The following DPP6 variants were observed in gnomAD, a reference collection of about 807,000 sequenced individuals.
The protein encoded by DPP6 is dipeptidyl peptidase like 6.
DPP6 carries 69 observed loss-of-function variants against 122.6 expected under a neutral mutation model. The observed-to-expected ratio is 0.56, with a 90% CI of 0.46 to 0.69. DPP6 has a LOEUF of 0.69. DPP6 is among the 30% of genes least tolerant of loss of function. DPP6 has a pLI of 0.00. For synonymous variants in DPP6, 418 were observed against 433.1 expected (o/e 0.97, Z 0.43); for missense variants, 928 against 1,116.9 (o/e 0.83, Z 2.41).
At chr7:154,873,833 AACAC>A (rs59408656) in intron 19 of DPP6, among the ~76,000 whole-genome samples, 8 of 129,664 alleles carry the variant, frequency 6.2e-5, no homozygotes, top group South Asian at 2.5e-4. Context: ...CGCATACATA[AACAC>A]ACACATATGC....
At chr7:154,831,434 A>G (rs1460176378) in intron 16 of DPP6, among the ~76,000 whole-genome samples, 1 of 152,232 alleles carries the variant, frequency 6.6e-6, no homozygotes, top group Non-Finnish European at 1.5e-5. Context: ...TCTTTATTGC[A>G]AAAGTTTTAG....
intron 1 of DPP6, among the ~76,000 whole-genome samples, chr7:153,956,496 A>T (rs764683733): frequency 6.6e-6 from 1 of 152,192 alleles, no homozygotes; most frequent in Non-Finnish European, 1.5e-5. Flanking sequence ...TTACCTCTGC[A>T]GCAAGTTCAT....
chr7:153,938,594 C>T (rs1207774609), intron 1 of DPP6, among the ~76,000 whole-genome samples: 1 of 152,196 alleles, frequency 6.6e-6, no homozygotes, highest in East Asian at 1.9e-4. Context: ...TCATTACATG[C>T]ATGTGAGTGC....
At chr7:154,679,582 A>G (rs1839157042) in intron 7 of DPP6, among the ~76,000 whole-genome samples, 1 of 152,194 alleles carries the variant, frequency 6.6e-6, no homozygotes, top group Non-Finnish European at 1.5e-5. Context: ...GGGGGCAGGG[A>G]GCACTTTACT....
the DPP6 span, among the ~76,000 whole-genome samples, chr7:153,862,303 G>T: frequency 6.6e-6 from 1 of 152,200 alleles, no homozygotes; most frequent in Admixed American, 6.5e-5. Flanking sequence ...CAAAGTTCAG[G>T]GATTGCAAAT....
At chr7:154,543,301 C>T (rs2130284266) in intron 4 of DPP6, among the ~76,000 whole-genome samples, 1 of 152,232 alleles carries the variant, frequency 6.6e-6, no homozygotes, top group South Asian at 2.1e-4. Context: ...TTAAAATATT[C>T]CCTACAACCT....
intron 7 of DPP6, among the ~76,000 whole-genome samples, chr7:154,696,278 C>A (rs1330544468): frequency 1.3e-5 from 2 of 152,158 alleles, no homozygotes; most frequent in African/African-American, 4.8e-5. Flanking sequence ...AAGTCGTGTA[C>A]CCCTGGGGTG....
intron 7 of DPP6, among the ~76,000 whole-genome samples, chr7:154,678,799 C>A (rs976850785): frequency 1.3e-5 from 2 of 152,198 alleles, no homozygotes; most frequent in Non-Finnish European, 2.9e-5. Flanking sequence ...TTACTAGTTG[C>A]GTGACCTTGA....
intron 17 of DPP6, among the ~76,000 whole-genome samples, chr7:154,859,543 C>T (rs1803157753): frequency 6.6e-6 from 1 of 152,218 alleles, no homozygotes; most frequent in Non-Finnish European, 1.5e-5. Flanking sequence ...TGTCCTTTCC[C>T]CTCCTCTCCC....
At chr7:154,390,214 TAAAG>T (rs781498812) in intron 1 of DPP6, among the ~76,000 whole-genome samples, 7 of 151,984 alleles carry the variant, frequency 4.6e-5, no homozygotes, top group Non-Finnish European at 4.4e-5. Context: ...TGTAGAGAAA[TAAAG>T]GAAGGTAGGG....
intron 1 of DPP6, among the ~76,000 whole-genome samples, chr7:154,123,939 C>G (rs1042331563): frequency 3.3e-5 from 5 of 151,904 alleles, no homozygotes; most frequent in Non-Finnish European, 7.4e-5. Context: ...CATGCCGGGG[C>G]TTACCTGGGA....
intron 1 of DPP6, among the ~76,000 whole-genome samples, chr7:154,244,052 C>A (rs1801819101): frequency 6.6e-6 from 1 of 151,940 alleles, no homozygotes; most frequent in African/African-American, 2.4e-5. Context: ...TTTAAAATTT[C>A]AAGAAACCCC....
the DPP6 span, among the ~76,000 whole-genome samples, chr7:153,797,792 T>C: frequency 1.3e-5 from 2 of 152,130 alleles, no homozygotes; most frequent in African/African-American, 4.8e-5. Flanking sequence ...CTCATGTGTA[T>C]CCTCATAAGG....
At chr7:154,799,242 C>G (rs1798213976) in intron 12 of DPP6, among the ~76,000 whole-genome samples, 2 of 152,310 alleles carry the variant, frequency 1.3e-5, no homozygotes, top group East Asian at 1.9e-4. Flanking sequence ...CTCTTCCCAA[C>G]TCCTTCCTGG....
At chr7:153,862,330 C>T in the DPP6 span, among the ~76,000 whole-genome samples, 1 of 152,228 alleles carries the variant, frequency 6.6e-6, no homozygotes, top group Non-Finnish European at 1.5e-5. Flanking sequence ...AATCATTTGG[C>T]CACCGCCATG....
At chr7:154,233,314 A>G (rs1441679877) in intron 1 of DPP6, among the ~76,000 whole-genome samples, 1 of 152,230 alleles carries the variant, frequency 6.6e-6, no homozygotes, top group African/African-American at 2.4e-5. Context: ...TCTGTTCATC[A>G]GTGCAGTGAC....
intron 1 of DPP6, among the ~76,000 whole-genome samples, chr7:154,043,624 A>C (rs962911102): frequency 6.6e-6 from 1 of 150,598 alleles, no homozygotes; most frequent in African/African-American, 2.4e-5. Flanking sequence ...CTACTCAAGG[A>C]AGATAGTTAT....
chr7:154,773,350 A>C (rs761424191), intron 10 of DPP6, among the ~76,000 whole-genome samples: 17 of 152,232 alleles, frequency 1.1e-4, no homozygotes, highest in Admixed American at 2.0e-4. Context: ...GGCAAATTCT[A>C]TTCTAATAAA....
intron 1 of DPP6, among the ~76,000 whole-genome samples, chr7:154,152,440 AG>A (rs1252045734): frequency 1.3e-5 from 2 of 152,246 alleles, no homozygotes; most frequent in Non-Finnish European, 2.9e-5. Context: ...CCTACAGAGC[AG>A]GCCTCAATCC....
Sources: allele counts gnomAD v4.1 joint callset (sites outside exome capture counted in the v4.1 genomes callset), GRCh38; gene constraint gnomAD v4.1.1; transcripts MANE v1.5; gene names NCBI Gene and HGNC (gene_info 2026-07-23, HGNC 2026-07-21).